ANGPT1: variants seen among roughly 807,000 people sequenced by gnomAD.
ANGPT1 encodes the protein angiopoietin 1, also known as angiopoietin-1.
A neutral mutation model predicts 62.2 loss-of-function variants in ANGPT1; 17 were observed. That is an observed-to-expected ratio of 0.27 (90% CI 0.19 to 0.41). The LOEUF is 0.41. ANGPT1 is among the 10% of genes least tolerant of loss of function. The pLI is 1.00. For missense variants in ANGPT1, 478 were observed against 594.9 expected, an observed-to-expected ratio of 0.80 and a Z score of 2.04; for synonymous variants, 199 against 198.9, an observed-to-expected ratio of 1.00 and a Z score of 0.00.
chr8:107,385,405 C>T (rs189698158), intron 1 of ANGPT1, among the ~76,000 whole-genome samples: 44 of 151,986 alleles, frequency 2.9e-4, no homozygotes, highest in African/African-American at 6.3e-4. Context: ...GTGAATAGGA[C>T]CGCATTCTTG....
chr8:107,268,697 A>C (rs530034080), intron 7 of ANGPT1, among the ~76,000 whole-genome samples: 2 of 152,210 alleles, frequency 1.3e-5, no homozygotes, highest in Admixed American at 1.3e-4. Flanking sequence ...GTTTCAGCTA[A>C]AATTATTTTT....
intron 5 of ANGPT1, among the ~76,000 whole-genome samples, chr8:107,299,631 CTCTATATATAGATATAAATATCTA>C (rs1814517027): frequency 7.4e-6 from 1 of 134,518 alleles, no homozygotes; most frequent in Admixed American, 7.7e-5. Flanking sequence ...ATATATAGAT[CTCTATATATAGATATAAATATCTA>C]TATATAGACA....
At position 107,278,078 on chromosome 8, in the gene ANGPT1, C is replaced by CT. The variant is rs780803754; in HGVS notation, c.1205+6603dup. On this transcript the variant is annotated intron_variant, in intron 7 of 8. Transcript: ENST00000517746. ...AAAAGTCTGTTTGCTCTTTTCTTTT[C>CT]TTTTTTTTTTTTTTAAAGACAGGGT... 3.6e-3 allele frequency among the ~76,000 whole-genome samples: 506 copies of CT among 140,360 alleles called. 2 individuals are homozygous for CT. Among genetic ancestry groups the CT allele is most frequent in the East Asian group, 0.023 (112 of 4,866 alleles). The allele number at this position is 140,360 out of a possible 152,430, so 92.1% of individuals were successfully genotyped here.
intron 6 of ANGPT1, among the ~76,000 whole-genome samples, chr8:107,289,818 C>A (rs1470586895): frequency 6.6e-6 from 1 of 152,072 alleles, no homozygotes; most frequent in African/African-American, 2.4e-5. Flanking sequence ...TTAGTCATTG[C>A]CTACAACAGT....
At chr8:107,270,185 C>A (rs1193258723) in intron 7 of ANGPT1, among the ~76,000 whole-genome samples, 1 of 152,026 alleles carries the variant, frequency 6.6e-6, no homozygotes. Context: ...ACTCTCTTCA[C>A]ATTTTTGCAT....
chr8:107,371,670 A>T (rs200550748), intron 1 of ANGPT1, among the ~76,000 whole-genome samples: 2 of 141,176 alleles, frequency 1.4e-5, no homozygotes, highest in African/African-American at 5.3e-5. Flanking sequence ...TCCACCTCCC[A>T]GGTTCAAGTG....
At chr8:107,256,507 G>A (rs1813360395) in intron 8 of ANGPT1, among the ~76,000 whole-genome samples, 1 of 152,104 alleles carries the variant, frequency 6.6e-6, no homozygotes, top group Non-Finnish European at 1.5e-5. Flanking sequence ...GTATTTACAG[G>A]TGATCATAGA....
intron 1 of ANGPT1, among the ~76,000 whole-genome samples, chr8:107,390,022 T>C (rs1816805078): frequency 6.6e-6 from 1 of 152,054 alleles, no homozygotes; most frequent in Non-Finnish European, 1.5e-5. Flanking sequence ...CCAAAATGTC[T>C]GGTAAATTAT....
At chr8:107,411,422 C>A (rs978122721) in intron 1 of ANGPT1, among the ~76,000 whole-genome samples, 9 of 151,904 alleles carry the variant, frequency 5.9e-5, no homozygotes, top group Admixed American at 3.3e-4. Context: ...TTTATCTCAC[C>A]TACATCATTC....
chr8:107,338,324 T>C (rs968879548), intron 2 of ANGPT1, among the ~76,000 whole-genome samples: 7 of 152,150 alleles, frequency 4.6e-5, no homozygotes, highest in African/African-American at 1.4e-4. Context: ...TACAATTAAT[T>C]CAAGAAATCC....
chr8:107,314,232 G>T (rs1419986864), intron 4 of ANGPT1, among the ~76,000 whole-genome samples: 1 of 152,152 alleles, frequency 6.6e-6, no homozygotes, highest in Non-Finnish European at 1.5e-5. Context: ...GAACATCAAG[G>T]AAACACTCTT....
intron 1 of ANGPT1, among the ~76,000 whole-genome samples, chr8:107,374,064 A>C (rs1412615678): frequency 1.3e-5 from 2 of 152,194 alleles, no homozygotes; most frequent in East Asian, 3.9e-4. Flanking sequence ...CCCATTTAAG[A>C]GAGTGAAGGG....
intron 1 of ANGPT1, among the ~76,000 whole-genome samples, chr8:107,355,866 T>C (rs2130187786): frequency 6.6e-6 from 1 of 152,294 alleles, no homozygotes; most frequent in Non-Finnish European, 1.5e-5. Context: ...CCTCTGTTTT[T>C]CATAATAGCT....
chr8:107,300,923 T>G (rs942077136), intron 5 of ANGPT1, among the ~76,000 whole-genome samples: 1 of 151,698 alleles, frequency 6.6e-6, no homozygotes, highest in African/African-American at 2.4e-5. Context: ...TTCTATTTTA[T>G]GTAAGCATGA....
At chr8:107,271,893 A>C (rs1286972818) in intron 7 of ANGPT1, among the ~76,000 whole-genome samples, 1 of 140,882 alleles carries the variant, frequency 7.1e-6, no homozygotes, top group Non-Finnish European at 1.5e-5. Context: ...TTTACTCATA[A>C]TTGATACTGG....
At chr8:107,336,103 A>G in intron 3 of ANGPT1, 47 bp downstream of exon 3, 2 of 1,537,298 alleles carry the variant, frequency 1.3e-6, no homozygotes, top group Non-Finnish European at 1.7e-6. Context: ...GGTGAAGGAT[A>G]TAAATAAGTA....
chr8:107,397,085 T>C (rs965509518), intron 1 of ANGPT1, among the ~76,000 whole-genome samples: 2 of 152,114 alleles, frequency 1.3e-5, no homozygotes, highest in Non-Finnish European at 2.9e-5. Context: ...AATGGCCCAA[T>C]TGGTAATTTT....
In ANGPT1 at chr8:107,414,019, A is replaced by G. The variant is rs557038060; in HGVS notation, c.298-66922T>C. Among the ~76,000 whole-genome samples, 7 of 152,288 alleles carry G rather than the reference A, an allele frequency of 4.6e-5. No homozygotes were observed. In the East Asian group the frequency reaches 5.8e-4, roughly 13 times the overall value. ...ATAAATTCAGGAAAAATGAAGGTCAAGTTGAGATTGCAGTACCTGAAAATC... is the reference window on the plus strand; with the variant it reads ...ATAAATTCAGGAAAAATGAAGGTCAGGTTGAGATTGCAGTACCTGAAAATC... On this transcript the variant is annotated intron_variant, in intron 1 of 8. Coordinates refer to ENST00000517746, the MANE Select transcript of ANGPT1 (RefSeq NM_001146.5).
At chr8:107,342,285 A>G (rs1053814427) in intron 2 of ANGPT1, among the ~76,000 whole-genome samples, 3 of 152,236 alleles carry the variant, frequency 2.0e-5, no homozygotes, top group African/African-American at 7.2e-5. Flanking sequence ...AACTTAGTCA[A>G]TGTAATTATT....
Sources: gnomAD v4.1 joint callset for allele counts (sites outside exome capture counted in the v4.1 genomes callset) on GRCh38, gnomAD v4.1.1 for gene constraint, MANE v1.5 for transcripts, NCBI Gene and HGNC (gene_info 2026-07-23, HGNC 2026-07-21) for gene names.